Variants in GEMIN5 observed in about 807,000 individuals in gnomAD.
The protein encoded by GEMIN5 is gem nuclear organelle associated protein 5.
GEMIN5 carries 124 observed loss-of-function variants against 176.9 expected under a neutral mutation model. The observed-to-expected ratio is 0.70, with a 90% CI of 0.61 to 0.81. The LOEUF is 0.81. GEMIN5 is among the 40% of genes least tolerant of loss of function. GEMIN5 has a pLI of 0.00. For synonymous variants in GEMIN5, 673 were observed against 665.2 expected (o/e 1.01, Z -0.18); for missense variants, 1,843 against 1,814.6 (o/e 1.02, Z -0.28).
intron 24 of GEMIN5, among the ~76,000 whole-genome samples, chr5:154,893,486 G>T (rs1763282670): frequency 6.6e-6 from 1 of 151,854 alleles, no homozygotes; most frequent in South Asian, 2.1e-4. Context: ...TAAGAAAAAT[G>T]TGCTCAATTT....
rs766746339 is a variant in GEMIN5 at position 154,928,617 on chromosome 5, C to A, written c.824G>T (p.Gly275Val). Residue 275 changes from glycine (G) to valine (V), a missense_variant, in exon 6 of 28, where the codon GGG becomes GTG. By Grantham distance (109) the Gly-to-Val change is moderately radical. Transcript: ENST00000285873. ...LKLPFLKRRG[G>V]GIDPTVKERL... The stretch of plus-strand genomic sequence containing the variant: ...CTCTTTAACAGTTGGGTCTATACCC[C>A]CTCCTCTTCTCTTCAGAAAGGGCAA... The A allele has an allele frequency of 6.2e-7, 1 of 1,613,708 alleles. No individual in the cohort carries two copies. The highest frequency in any genetic ancestry group is 1.1e-5 in the South Asian group (1 of 91,080).
At chr5:154,937,887 A>T in intron 1 of GEMIN5, 81 bp downstream of exon 1, 1 of 1,257,570 alleles carries the variant, frequency 8.0e-7, no homozygotes, top group Non-Finnish European at 1.1e-6. Flanking sequence ...AGCTGTAGAA[A>T]ACGGGGTGGA....
chr5:154,902,218 A>G (rs377267570), intron 20 of GEMIN5, among the ~76,000 whole-genome samples: 1 of 152,176 alleles, frequency 6.6e-6, no homozygotes, highest in East Asian at 1.9e-4. Context: ...CCTAGCCTTA[A>G]GCAATCCTCC....
chr5:154,898,881 A>T (rs1763410035), intron 22 of GEMIN5, among the ~76,000 whole-genome samples: 1 of 151,538 alleles, frequency 6.6e-6, no homozygotes, highest in African/African-American at 2.4e-5. Context: ...AGAGGGAATG[A>T]CTCCTCTGTT....
chr5:154,917,041 G>T lies in GEMIN5; in HGVS notation c.1812C>A (p.Ser604=). Residue 604 remains serine, a synonymous_variant, in exon 13 of 28, where the codon TCC becomes TCA. Transcript: ENST00000285873. ...TGTGCACGTAAATGACTGCATTGTT[G>T]GAGCCAGAGGCCATCAGATAGCTCA... ...PELSYLMASG[S]NNAVIYVHNL... is the part of the protein sequence containing the mutation. 1 of 1,604,022 alleles carries T rather than the reference G, an allele frequency of 6.2e-7. No homozygotes were observed. Among genetic ancestry groups the T allele is most frequent in the East Asian group, 2.2e-5 (1 of 44,624 alleles).
chr5:154,932,428 C>T (rs535553933), intron 3 of GEMIN5, among the ~76,000 whole-genome samples, 178 bp from the exon 4 acceptor site: 1 of 152,116 alleles, frequency 6.6e-6, no homozygotes, highest in Admixed American at 6.5e-5. Flanking sequence ...AAAGTGCTCA[C>T]CTTATGCCTC....
chr5:154,935,801 A>T, intron 3 of GEMIN5, 40 bp downstream of exon 3: 1 of 1,453,948 alleles, frequency 6.9e-7, no homozygotes, highest in Non-Finnish European at 9.5e-7. Flanking sequence ...CACGATCATA[A>T]ACAAACAAAA....
chr5:154,891,103 C>T (rs1223332876), intron 26 of GEMIN5, 138 bp downstream of exon 26: 8 of 401,738 alleles, frequency 2.0e-5, no homozygotes, highest in Non-Finnish European at 2.4e-5. Context: ...GCTTTTTTGC[C>T]CGGGCTGGTG....
rs766436633 is a variant in GEMIN5, at chr5:154,924,579, G to A, written c.1294-25C>T. ...GCTACAAAAAAAAGAGTTTCCAAGT[G>A]AGAATATAAGAAGTGGGGCATATAG... On this transcript the variant is annotated intron_variant, in intron 8 of 27. Coordinates refer to ENST00000285873, the MANE Select transcript of GEMIN5 (RefSeq NM_015465.5). 4.8e-6 allele frequency: 7 copies of A among 1,445,716 alleles called. No individual in the cohort carries two copies. In the African/African-American group the frequency reaches 5.6e-5, roughly 12 times the overall value. 89.6% of individuals were successfully genotyped at this position (1,445,716 alleles called of 1,614,324 possible).
chr5:154,937,978 GGGTGTCCCT>G lies in GEMIN5; in HGVS notation c.147_155del (p.Gly50_Pro52del). Reference sequence around the variant, plus strand: ...AGGGTGGTGAGTTACCTCGAAACGGGGGTGTCCCTGGACTCTCGCCTGCGCCCGGGCCCA... The same window carrying G: ...AGGGTGGTGAGTTACCTCGAAACGGGGGACTCTCGCCTGCGCCCGGGCCCA... On this transcript the variant is annotated inframe_deletion, in exon 1 of 28. Coordinates refer to ENST00000285873, the MANE Select transcript of GEMIN5 (RefSeq NM_015465.5). 6.4e-7 allele frequency: 1 copy of G among 1,573,538 alleles called. No homozygotes were observed. Among genetic ancestry groups the G allele is most frequent in the Non-Finnish European group, 8.6e-7 (1 of 1,162,208 alleles).
chr5:154,920,597 A>G (rs1039600445), intron 10 of GEMIN5, among the ~76,000 whole-genome samples: 5 of 152,234 alleles, frequency 3.3e-5, no homozygotes, highest in African/African-American at 1.2e-4. Flanking sequence ...GTGGGTTTCT[A>G]TAAGAGCAAG....
chr5:154,916,117 G>A (rs1213842333), intron 13 of GEMIN5, among the ~76,000 whole-genome samples: 1 of 151,806 alleles, frequency 6.6e-6, no homozygotes, highest in African/African-American at 2.4e-5. Flanking sequence ...CAAACTCCTG[G>A]TCTCAAGCTA....
chr5:154,923,847 C>T (rs1365148000), intron 9 of GEMIN5, among the ~76,000 whole-genome samples: 2 of 152,126 alleles, frequency 1.3e-5, no homozygotes, highest in East Asian at 3.8e-4. Context: ...GTATAAATAG[C>T]CACATGTGGC....
chr5:154,906,865 GAATT>G (rs1763578728), intron 16 of GEMIN5, among the ~76,000 whole-genome samples: 1 of 152,198 alleles, frequency 6.6e-6, no homozygotes, highest in Non-Finnish European at 1.5e-5. Context: ...TTCTGTTTTA[GAATT>G]AAGTATGAGT....
At chr5:154,895,555 ACTTTGCC>A (rs1582650696) in intron 24 of GEMIN5, among the ~76,000 whole-genome samples, 1 of 152,238 alleles carries the variant, frequency 6.6e-6, no homozygotes, top group Admixed American at 6.5e-5. Context: ...AAGGACTTCA[ACTTTGCC>A]CTACTGTTTT....
intron 24 of GEMIN5, among the ~76,000 whole-genome samples, chr5:154,893,101 C>T (rs1463983085): frequency 6.6e-6 from 1 of 151,320 alleles, no homozygotes; most frequent in African/African-American, 2.4e-5. Context: ...CCTCTCAAAA[C>T]AAACAAACAA....
At position 154,919,999 on chromosome 5, in the gene GEMIN5, T is replaced by G; in HGVS notation, c.1567A>C (p.Asn523His). ...WKLSGEAFDINKLIRDTNSIK... is the reference protein window; with the variant it reads ...WKLSGEAFDIHKLIRDTNSIK... Reference sequence around the variant, plus strand: ...GAATTGGTGTCCCTGATGAGTTTGTTGATGTCAAAGGCTTCTCCACTAAGC... The same window carrying G: ...GAATTGGTGTCCCTGATGAGTTTGTGGATGTCAAAGGCTTCTCCACTAAGC... Residue 523 changes from asparagine (N) to histidine (H), a missense_variant, in exon 11 of 28, where the codon AAC becomes CAC. By Grantham distance (68) the Asn-to-His change is moderately conservative. Transcript: ENST00000285873. 4.3e-6 allele frequency: 7 copies of G among 1,613,822 alleles called. No individual in the cohort carries two copies. The highest frequency in any genetic ancestry group is 5.9e-6 in the Non-Finnish European group (7 of 1,179,830).
intron 23 of GEMIN5, among the ~76,000 whole-genome samples, chr5:154,897,220 T>C (rs553834356): frequency 6.6e-6 from 1 of 152,334 alleles, no homozygotes; most frequent in East Asian, 1.9e-4. Flanking sequence ...TACCTCCCCA[T>C]GTACCACGTT....
intron 5 of GEMIN5, among the ~76,000 whole-genome samples, chr5:154,929,457 C>T (rs1178329278): frequency 6.6e-6 from 1 of 152,178 alleles, no homozygotes; most frequent in Non-Finnish European, 1.5e-5. Flanking sequence ...TGCTTCTAAT[C>T]ACCGTTTTTT....
Sources: gnomAD v4.1 joint callset for allele counts (sites outside exome capture counted in the v4.1 genomes callset) on GRCh38, gnomAD v4.1.1 for gene constraint, MANE v1.5 for transcripts, NCBI Gene and HGNC (gene_info 2026-07-23, HGNC 2026-07-21) for gene names.